Variants in KCNK10 observed in about 807,000 individuals in gnomAD.
KCNK10 encodes potassium channel subfamily K member 10.
In KCNK10, 25 loss-of-function variants were observed where a neutral mutation model predicts 47.7. The observed-to-expected ratio is 0.52, with a 90% confidence interval of 0.38 to 0.73. The LOEUF is 0.73. Among genes scored for constraint, KCNK10 ranks in the 30% least tolerant of loss-of-function variants. The pLI is 0.00. For synonymous variants in KCNK10, 303 were observed against 285.6 expected (o/e 1.06, Z -0.61); for missense variants, 563 against 714.5 (o/e 0.79, Z 2.42).
Position 88,180,473 on chromosome 14 carries a change from C to T in KCNK10, c.*5062G>A. On this transcript the variant is annotated 3_prime_UTR_variant, in exon 7 of 7. Transcript: ENST00000319231. ...CACCACTGCACCTTCTCCCTTCAAG[C>T]TCAGAGCCCTGACAGCAAAAGAGAG... The T allele has an allele frequency of 4.3e-6, 1 of 230,346 alleles. No individual in the cohort carries two copies. Among genetic ancestry groups the T allele is most frequent in the Non-Finnish European group, 8.4e-6 (1 of 119,706 alleles). The allele number at this position is 230,346 out of a possible 1,614,324, so 14.3% of individuals were successfully genotyped here.
At chr14:88,225,027 T>C (rs1016952015) in intron 4 of KCNK10, among the ~76,000 whole-genome samples, 7 of 152,074 alleles carry the variant, frequency 4.6e-5, no homozygotes, top group Non-Finnish European at 5.9e-5. Context: ...AAGAAATACA[T>C]AAACCTTCCC....
chr14:88,325,710 C>G (rs946076103), upstream of KCNK10, among the ~76,000 whole-genome samples: 2 of 152,142 alleles, frequency 1.3e-5, no homozygotes, highest in African/African-American at 4.8e-5. Flanking sequence ...GCAAAATGAA[C>G]TGACCTATGG....
At chr14:88,246,937 T>C (rs1408916616) in intron 2 of KCNK10, among the ~76,000 whole-genome samples, 2 of 152,124 alleles carry the variant, frequency 1.3e-5, no homozygotes, top group African/African-American at 4.8e-5. Flanking sequence ...CAGGAACCCT[T>C]TCGGAGCACT....
chr14:88,314,644 C>T (rs181780578), intron 1 of KCNK10, among the ~76,000 whole-genome samples: 1 of 152,274 alleles, frequency 6.6e-6, no homozygotes, highest in East Asian at 1.9e-4. Flanking sequence ...GAGGGTTGTG[C>T]TCTGCTATGG....
chr14:88,189,717 T>C (rs1566678406), intron 5 of KCNK10, among the ~76,000 whole-genome samples: 1 of 152,232 alleles, frequency 6.6e-6, no homozygotes, highest in Non-Finnish European at 1.5e-5. Context: ...ATCAATGATC[T>C]GATTACATTT....
At chr14:88,196,186 C>G (rs987089322) in intron 4 of KCNK10, among the ~76,000 whole-genome samples, 6 of 152,196 alleles carry the variant, frequency 3.9e-5, no homozygotes, top group Non-Finnish European at 8.8e-5. Flanking sequence ...CTGATTGATA[C>G]AAACTATAGG....
At chr14:88,187,627 C>CCG (rs10635425) in intron 6 of KCNK10, among the ~76,000 whole-genome samples, 1 of 105,480 alleles carries the variant, frequency 9.5e-6, no homozygotes, top group African/African-American at 3.2e-5. Flanking sequence ...CAGGCTGCAC[C>CCG]CCCCCACACA....
At chr14:88,303,242 G>A (rs776694429) in intron 1 of KCNK10, among the ~76,000 whole-genome samples, 2 of 152,208 alleles carry the variant, frequency 1.3e-5, no homozygotes, top group Non-Finnish European at 2.9e-5. Context: ...CTTGTTCAGT[G>A]AGAACGTAAC....
chr14:88,217,416 C>T (rs1472318643), intron 4 of KCNK10, among the ~76,000 whole-genome samples: 1 of 152,150 alleles, frequency 6.6e-6, no homozygotes, highest in Non-Finnish European at 1.5e-5. Context: ...TGCTGATGTG[C>T]ACAGCCAAGA....
intron 1 of KCNK10, among the ~76,000 whole-genome samples, chr14:88,297,153 G>A (rs774352453): frequency 1.3e-5 from 2 of 152,120 alleles, no homozygotes; most frequent in African/African-American, 2.4e-5. Flanking sequence ...ATTTGTAAAT[G>A]AATAAATATA....
chr14:88,216,222 C>G (rs905624122), intron 4 of KCNK10, among the ~76,000 whole-genome samples: 5 of 152,062 alleles, frequency 3.3e-5, no homozygotes, highest in Non-Finnish European at 7.4e-5. Flanking sequence ...GTCGGAATGG[C>G]GCTAGCACTG....
At chr14:88,203,768 T>C (rs41324246) in intron 4 of KCNK10, among the ~76,000 whole-genome samples, 37,241 of 151,980 alleles carry the variant, frequency 0.25, 5,182 homozygotes, top group Non-Finnish European at 0.31. Flanking sequence ...GGTAGCAAAA[T>C]TGTCATGAAC....
At chr14:88,199,045 G>A (rs977042722) in intron 4 of KCNK10, among the ~76,000 whole-genome samples, 45 of 151,804 alleles carry the variant, frequency 3.0e-4, no homozygotes, top group African/African-American at 9.4e-4. Context: ...TCAGCCTCCC[G>A]AGTAGCTGAG....
rs939721488 is a variant in KCNK10, at chr14:88,186,414, G to A, written c.1012-259C>T. Among the ~76,000 whole-genome samples, 1 of 152,166 alleles carries A rather than the reference G, an allele frequency of 6.6e-6. No homozygotes were observed. The highest frequency in any genetic ancestry group is 1.5e-5 in the Non-Finnish European group (1 of 68,038). On this transcript the variant is annotated intron_variant, in intron 6 of 6. Coordinates refer to ENST00000319231, the MANE Select transcript of KCNK10 (RefSeq NM_138317.3). The surrounding 1 kb of genome is among the most constrained non-coding windows in gnomAD (Gnocchi z 5.5). ...AAGAAGCCTCAGATTTGGAGATGGT[G>A]ACTTAAAGAGAGGGGGACGGCATCC...
chr14:88,232,455 A>G (rs1032145236), intron 3 of KCNK10, among the ~76,000 whole-genome samples: 1 of 152,192 alleles, frequency 6.6e-6, no homozygotes, highest in Non-Finnish European at 1.5e-5. Context: ...TTGCGACCAC[A>G]TGCAACAAAT....
At chr14:88,295,471 C>T (rs1363543141) in intron 1 of KCNK10, among the ~76,000 whole-genome samples, 1 of 152,072 alleles carries the variant, frequency 6.6e-6, no homozygotes, top group East Asian at 1.9e-4. Flanking sequence ...ACCAGCCTGG[C>T]CAACATGGTG....
intron 1 of KCNK10, among the ~76,000 whole-genome samples, chr14:88,280,235 T>C (rs527688047): frequency 1.4e-4 from 21 of 152,264 alleles, no homozygotes; most frequent in Admixed American, 5.2e-4. Flanking sequence ...AGCAATATTC[T>C]GCACAGGAGA....
chr14:88,185,885 G>A lies in KCNK10; in HGVS notation c.1282C>T (p.Leu428=). The change falls in exon 7 of 7, where the codon CTG becomes TTG. Residue 428 remains leucine (L), a synonymous_variant. Transcript: ENST00000319231. The surrounding 1 kb of genome is among the most constrained non-coding windows in gnomAD (Gnocchi z 4.3). ...QESINNRPNN[L]RLKGPEQLNK... ...AGCTGCTCCGGCCCCTTCAGGCGCA[G>A]GTTGTTGGGCCGGTTGTTGATGCTC... 1.2e-6 allele frequency: 2 copies of A among 1,614,112 alleles called. No homozygotes were observed. Among genetic ancestry groups the A allele is most frequent in the Non-Finnish European group, 1.7e-6 (2 of 1,180,022 alleles).
chr14:88,251,783 T>C (rs956977766), intron 2 of KCNK10, among the ~76,000 whole-genome samples: 40 of 152,202 alleles, frequency 2.6e-4, no homozygotes, highest in Non-Finnish European at 3.7e-4. Flanking sequence ...TCCAGCCAAA[T>C]TGCTTTCTAA....
Sources: gnomAD v4.1 joint callset for allele counts (sites outside exome capture counted in the v4.1 genomes callset) on GRCh38, gnomAD v4.1.1 for gene constraint, Gnocchi (gnomAD v3.1) non-coding constraint, MANE v1.5 for transcripts, NCBI Gene and HGNC (gene_info 2026-07-23, HGNC 2026-07-21) for gene names.